C12orf56: variants seen among roughly 807,000 people sequenced by gnomAD.
C12orf56 encodes the protein uncharacterized protein C12orf56.
In C12orf56, 71 loss-of-function variants were observed where a neutral mutation model predicts 69.9. The ratio of observed to expected loss-of-function variants is 1.02; its 90% CI spans 0.84 to 1.24. C12orf56 has a LOEUF of 1.24. C12orf56 is among the 50% of genes most tolerant of loss of function. C12orf56 has a pLI of 0.00. For synonymous variants in C12orf56, 276 were observed against 274.1 expected (o/e 1.01, Z -0.07); for missense variants, 732 against 738.5 (o/e 0.99, Z 0.10).
intron 1 of C12orf56, among the ~76,000 whole-genome samples, chr12:64,380,124 A>C (rs1443554802): frequency 1.1e-4 from 10 of 90,280 alleles, no homozygotes; most frequent in Admixed American, 2.2e-4. Context: ...AAAAAAAAAA[A>C]AAAAAAAAAA....
At chr12:64,335,645 A>G (rs541978134) in intron 2 of C12orf56, among the ~76,000 whole-genome samples, 30 of 152,208 alleles carry the variant, frequency 2.0e-4, no homozygotes, top group Non-Finnish European at 3.4e-4. Context: ...CAGCCTTGGC[A>G]ATTCAAAGTG....
At chr12:64,361,076 G>A (rs1041467617) in intron 1 of C12orf56, among the ~76,000 whole-genome samples, 15 of 152,018 alleles carry the variant, frequency 9.9e-5, no homozygotes, top group African/African-American at 2.9e-4. Context: ...AAAATGAGCC[G>A]GGTGTGGTGG....
At chr12:64,380,122 A>C (rs1170233055) in intron 1 of C12orf56, among the ~76,000 whole-genome samples, 10 of 92,964 alleles carry the variant, frequency 1.1e-4, no homozygotes, top group Non-Finnish European at 1.3e-4. Flanking sequence ...AAAAAAAAAA[A>C]AAAAAAAAAA....
In C12orf56 at chr12:64,274,535, G is replaced by C. The variant is rs796739897; in HGVS notation, c.1584+366C>G. Among the ~76,000 whole-genome samples the C allele has an allele frequency of 5.9e-5, 9 of 152,312 alleles. 1 individual carries two copies. The highest frequency in any genetic ancestry group is 1.9e-4 in the African/African-American group (8 of 41,560). On this transcript the variant is annotated intron_variant, in intron 11 of 12. Coordinates refer to ENST00000543942, the MANE Select transcript of C12orf56 (RefSeq NM_001170633.2). The stretch of plus-strand genomic sequence containing the variant: ...AATGGTGATAATAGGAACTAGGATG[G>C]TGTCTGTGGGACAGAGCACACAAAT...
In C12orf56 at chr12:64,277,149, T is replaced by TTTA. The variant is rs547959572; in HGVS notation, c.1434+528_1434+530dup. On this transcript the variant is annotated intron_variant, in intron 9 of 12. Coordinates refer to ENST00000543942, the MANE Select transcript of C12orf56 (RefSeq NM_001170633.2). ...TCAAAATAAACTAATAATAAGTTGGTTTATTCTCTCAGAAGGTATGCCTTC... is the reference window on the plus strand; with the variant it reads ...TCAAAATAAACTAATAATAAGTTGGTTTATTATTCTCTCAGAAGGTATGCCTTC... Among the ~76,000 whole-genome samples the TTTA allele has an allele frequency of 2.4e-3, 368 of 152,272 alleles. 1 individual carries two copies. The highest frequency in any genetic ancestry group is 0.023 in the South Asian group (110 of 4,830).
At chr12:64,343,961 AT>A (rs1456271213) in intron 2 of C12orf56, among the ~76,000 whole-genome samples, 1 of 152,122 alleles carries the variant, frequency 6.6e-6, no homozygotes, top group Non-Finnish European at 1.5e-5. Flanking sequence ...TGACCACAGG[AT>A]GAGTCCAGGG....
chr12:64,295,127 C>G (rs2038348046), intron 6 of C12orf56, among the ~76,000 whole-genome samples: 1 of 152,166 alleles, frequency 6.6e-6, no homozygotes, highest in Non-Finnish European at 1.5e-5. Flanking sequence ...AGGTGAGCCA[C>G]TCGCCTTGGC....
rs1423878639 is a variant in C12orf56, at chr12:64,275,340, A to C, written c.1467T>G (p.Thr489=). Residue 489 remains threonine (T), a synonymous_variant, in exon 10 of 13, where the codon ACT becomes ACG. Transcript: ENST00000543942. ...GTATCTCATATAAAAGTGCTGTAGC[A>C]GTATTTGTATACTCCAGAATAAGCT... ...LQKLILEYTN[T]ATALLYEILL... is the part of the protein sequence containing the mutation. 6.9e-7 allele frequency: 1 copy of C among 1,443,590 alleles called. No individual in the cohort carries two copies. Among genetic ancestry groups the C allele is most frequent in the Non-Finnish European group, 9.2e-7 (1 of 1,084,666 alleles). 89.4% of individuals were successfully genotyped at this position (1,443,590 alleles called of 1,614,324 possible). A position where few individuals can be genotyped will look rare whatever the true frequency, so the allele number is the denominator to read the frequency against.
intron 5 of C12orf56, among the ~76,000 whole-genome samples, chr12:64,307,649 G>A (rs1032933539): frequency 5.3e-5 from 8 of 152,090 alleles, no homozygotes; most frequent in Middle Eastern, 3.4e-3. Flanking sequence ...GATTACAGGC[G>A]TGAGCCACCT....
intron 1 of C12orf56, 114 bp downstream of exon 1, chr12:64,390,200 G>T (rs896561741): frequency 2.3e-6 from 3 of 1,320,822 alleles, no homozygotes; most frequent in Non-Finnish European, 3.0e-6. Flanking sequence ...TAAGAGGAGG[G>T]GAGTCGAGGG....
chr12:64,281,325 C>T (rs2038123982), intron 8 of C12orf56, among the ~76,000 whole-genome samples: 1 of 151,716 alleles, frequency 6.6e-6, no homozygotes, highest in Non-Finnish European at 1.5e-5. Context: ...AATCCTAGCA[C>T]TTTGGGAGGC....
intron 1 of C12orf56, among the ~76,000 whole-genome samples, chr12:64,364,113 G>C (rs1050791862): frequency 6.6e-6 from 1 of 151,996 alleles, no homozygotes; most frequent in South Asian, 2.1e-4. Context: ...AGGAGTTCCA[G>C]ACTGGCCTGG....
At chr12:64,384,322 T>C (rs562899078) in intron 1 of C12orf56, among the ~76,000 whole-genome samples, 3 of 152,240 alleles carry the variant, frequency 2.0e-5, no homozygotes, top group African/African-American at 7.2e-5. Context: ...TGTGGTATCA[T>C]AGCATCCTAG....
chr12:64,339,978 A>G (rs1216177927), intron 2 of C12orf56, among the ~76,000 whole-genome samples: 1 of 151,424 alleles, frequency 6.6e-6, no homozygotes, highest in African/African-American at 2.4e-5. Context: ...ATATTTATAT[A>G]TATGGACATT....
At chr12:64,331,358 G>T (rs2038928601) in intron 2 of C12orf56, among the ~76,000 whole-genome samples, 2 of 152,040 alleles carry the variant, frequency 1.3e-5, no homozygotes, top group South Asian at 4.2e-4. Context: ...AATATTAGCT[G>T]AGTGTGGTGG....
Position 64,312,729 on chromosome 12 carries a change from G to A in C12orf56, c.918C>T (p.Pro306=), listed in dbSNP as rs2038636717. 3 of 1,536,346 alleles carry A rather than the reference G, an allele frequency of 2.0e-6. No homozygotes were observed. The highest frequency in any genetic ancestry group is 1.7e-6 in the Non-Finnish European group (2 of 1,146,320). ...CAGGACTGAACTCACTAGCATAGAA[G>A]GGATCTTGTAAAAGAGTAGCTTTCT... ...YIIKATLLQD[P]FYASEFSPAI... The change falls in exon 5 of 13, where the codon CCC becomes CCT. Residue 306 remains proline, a synonymous_variant. Coordinates refer to ENST00000543942, the MANE Select transcript of C12orf56 (RefSeq NM_001170633.2).
At chr12:64,302,330 A>C (rs938637454) in intron 6 of C12orf56, among the ~76,000 whole-genome samples, 4 of 152,104 alleles carry the variant, frequency 2.6e-5, no homozygotes, top group Non-Finnish European at 4.4e-5. Flanking sequence ...ATCTGCCTTC[A>C]CCGTACTGAT....
In C12orf56 at chr12:64,293,799, A is replaced by G. The variant is rs150791492; in HGVS notation, c.1114-7739T>C. Among the ~76,000 whole-genome samples, 40 of 152,330 alleles carry G rather than the reference A, an allele frequency of 2.6e-4. No individual in the cohort carries two copies. In the East Asian group the frequency reaches 7.7e-3, roughly 29 times the overall value. On this transcript the variant is annotated intron_variant, in intron 6 of 12. Transcript: ENST00000543942. ...CAGAATTCCATGTAAGTGCAGTGCT[A>G]AGAGAGGCAAAATGAATCTACAGTG...
chr12:64,385,284 A>C (rs1265509208), intron 1 of C12orf56, among the ~76,000 whole-genome samples: 2 of 152,180 alleles, frequency 1.3e-5, no homozygotes, highest in African/African-American at 2.4e-5. Flanking sequence ...CTGGAAGGGA[A>C]ATCTCACTTG....
Sources: gnomAD v4.1 joint callset for allele counts (sites outside exome capture counted in the v4.1 genomes callset) on GRCh38, gnomAD v4.1.1 for gene constraint, MANE v1.5 for transcripts, NCBI Gene and HGNC (gene_info 2026-07-23, HGNC 2026-07-21) for gene names.